IDUA: variants seen among roughly 807,000 people sequenced by gnomAD.
IDUA encodes alpha-L-iduronidase.
Under a neutral mutation model 68.9 loss-of-function variants are expected in IDUA, and 65 were observed. The ratio of observed to expected loss-of-function variants is 0.94; its 90% CI spans 0.77 to 1.16. The LOEUF is 1.16. IDUA is among the 50% of genes most tolerant of loss of function. The pLI is 0.00. For missense variants in IDUA, 1,046 were observed against 938.0 expected, an observed-to-expected ratio of 1.12 and a Z score of -1.50; for synonymous variants, 529 against 433.6, an observed-to-expected ratio of 1.22 and a Z score of -2.73.
At chr4:989,302 A>G in intron 2 of IDUA, 1 of 1,612,342 alleles carries the variant, frequency 6.2e-7, no homozygotes, top group Non-Finnish European at 8.5e-7. Flanking sequence ...GGCATAGTAC[A>G]GCGGCCCCCC....
Position 1,002,936 on chromosome 4 carries a change from C to T in IDUA, c.1394C>T (p.Pro465Leu). The T allele has an allele frequency of 7.3e-7, 1 of 1,361,802 alleles. No homozygotes were observed. The highest frequency in any genetic ancestry group is 9.4e-7 in the Non-Finnish European group (1 of 1,065,540). 84.4% of individuals were successfully genotyped at this position (1,361,802 alleles called of 1,614,324 possible). A position where few individuals can be genotyped will look rare whatever the true frequency, so the allele number is the denominator to read the frequency against. ...AVTLRLRGVPPGPGLVYVTRY... is the reference protein window; with the variant it reads ...AVTLRLRGVPLGPGLVYVTRY... ...ACCCTGCGGCTGCGCGGGGTGCCCC[C>T]CGGCCCGGGTAAGCCGGGGTTCCAG... Residue 465 changes from proline to leucine, a missense_variant, in exon 9 of 14, where the codon CCC becomes CTC. Physicochemically the swap from Pro to Leu is moderately conservative, Grantham distance 98. Coordinates refer to ENST00000514224, the MANE Select transcript of IDUA (RefSeq NM_000203.5).
At chr4:988,877 G>A (rs774975166) in intron 2 of IDUA, 4 of 1,598,492 alleles carry the variant, frequency 2.5e-6, no homozygotes, top group African/African-American at 2.7e-5. Context: ...TGGCGGGCTC[G>A]TGCTGTCTGC....
At position 1,000,891 on chromosome 4, in the gene IDUA, T is replaced by C; in HGVS notation, c.395T>C (p.Leu132Pro). 6.2e-7 allele frequency: 1 copy of C among 1,613,176 alleles called. No individual in the cohort carries two copies. The highest frequency in any genetic ancestry group is 1.1e-5 in the South Asian group (1 of 91,082). The change falls in exon 4 of 14, where the codon CTG becomes CCG. Residue 132 changes from leucine (L) to proline (P), a missense_variant. Leu to Pro is a moderately conservative substitution (Grantham distance 98, BLOSUM62 -3). Transcript: ENST00000514224. Reference sequence around the variant, plus strand: ...CCCTCCTGTGTTCCAGGGTTTGAGCTGATGGGCAGCGCCTCGGGCCACTTC... The same window carrying C: ...CCCTCCTGTGTTCCAGGGTTTGAGCCGATGGGCAGCGCCTCGGGCCACTTC... ...RENQLLPGFE[L>P]MGSASGHFTD...
rs148946496 is a variant in IDUA at position 1,000,658 on chromosome 4, G to A, written c.346G>A (p.Gly116Arg). 5.4e-4 allele frequency: 868 copies of A among 1,612,706 alleles called. 3 individuals carry two copies. The African/African-American group carries it at 9.4e-3, about 17-fold the overall frequency. The stretch of plus-strand genomic sequence containing the variant: ...GAGCTACAACTTCACCCACCTGGAC[G>A]GGTACCTGGACCTTCTCAGGGAGAA... ...GLSYNFTHLD[G>R]YLDLLRENQL... The change falls in exon 3 of 14, where the codon GGG (glycine) becomes AGG (arginine). Residue 116 changes from glycine to arginine, a missense_variant. Physicochemically the swap from Gly to Arg is moderately radical, Grantham distance 125 (BLOSUM62 -2). Transcript: ENST00000514224.
In IDUA at chr4:1,000,708, G is replaced by T; in HGVS notation, c.385+11G>T. 1 of 1,599,444 alleles carries T rather than the reference G, an allele frequency of 6.3e-7. No homozygotes were observed. ...ACCAGCTCCTCCCAGGTGAGCTGTG[G>T]GCTCTGCCCTCCCAGCCCGCCTGCA... is the stretch of plus-strand genomic sequence containing the variant. On this transcript the variant is annotated intron_variant, in intron 3 of 13. Transcript: ENST00000514224.
At chr4:998,783 A>ACCCCCCCCCCCCC (rs148444493) in intron 2 of IDUA, among the ~76,000 whole-genome samples, 2 of 120,784 alleles carry the variant, frequency 1.7e-5, no homozygotes, top group South Asian at 2.9e-4. Flanking sequence ...CGACCCCCCG[A>ACCCCCCCCCCCCC]CCCCCCACCT....
chr4:995,323 G>A lies in IDUA; in HGVS notation c.300-5289G>A, dbSNP rs181170544. On this transcript the variant is annotated intron_variant, in intron 2 of 13. Transcript: ENST00000514224. ...CTCCCAAAGTGCTGGGATTACAGGC[G>A]TGAGCCACCGTGCCCGGCCAGTTCT... is the stretch of plus-strand genomic sequence containing the variant. Among the ~76,000 whole-genome samples the A allele has an allele frequency of 8.6e-5, 13 of 151,826 alleles. No individual in the cohort carries two copies. The East Asian group carries it at 1.4e-3, about 16-fold the overall frequency.
intron 8 of IDUA, 24 bp downstream of exon 8, chr4:1,002,509 G>A (rs2153022464): frequency 2.0e-6 from 3 of 1,480,594 alleles, no homozygotes; most frequent in South Asian, 1.4e-5. Flanking sequence ...GCTGGGGTGG[G>A]CCGGCCAGGG....
chr4:988,730 C>T (rs1713949285), intron 2 of IDUA: 2 of 1,431,718 alleles, frequency 1.4e-6, no homozygotes, highest in East Asian at 2.5e-5. Flanking sequence ...AAGAGTGCAG[C>T]TCTTGGGTGG....
rs895626490 is a variant in IDUA, at chr4:1,002,891, C to A, written c.1349C>A (p.Pro450His). 1.3e-4 allele frequency: 188 copies of A among 1,424,156 alleles called. No homozygotes were observed. Among genetic ancestry groups the A allele is most frequent in the Non-Finnish European group, 1.7e-4 (183 of 1,095,168 alleles). The allele number at this position is 1,424,156 out of a possible 1,614,324, so 88.2% of individuals were successfully genotyped here. ...IYASDDTRAH[P>H]NRSVAVTLRL... ...GCGAGCGACGACACCCGCGCCCACC[C>A]CAACCGCAGCGTCGCGGTGACCCTG... Residue 450 changes from proline (P) to histidine (H), a missense_variant, in exon 9 of 14, where the codon CCC becomes CAC. Coordinates refer to ENST00000514224, the MANE Select transcript of IDUA (RefSeq NM_000203.5).
chr4:1,003,010 C>G lies in IDUA; in HGVS notation c.1403-26C>G, dbSNP rs1371245453. 4.8e-6 allele frequency: 7 copies of G among 1,450,370 alleles called. No homozygotes were observed. In the Admixed American group the frequency reaches 1.0e-4, roughly 21 times the overall value. 89.8% of individuals were successfully genotyped at this position (1,450,370 alleles called of 1,614,324 possible). A position where few individuals can be genotyped will look rare whatever the true frequency, so the allele number is the denominator to read the frequency against. ...CTCTGGAGGGGGCGGCCCGGGGAGC[C>G]GAGGCCTGAGTGTCAGGCCCCGCAG... On this transcript the variant is annotated intron_variant, in intron 9 of 13. Coordinates refer to ENST00000514224, the MANE Select transcript of IDUA (RefSeq NM_000203.5).
At chr4:1,003,965 T>G (rs1448878725) in intron 12 of IDUA, 47 bp from the exon 13 acceptor site, 1 of 1,490,170 alleles carries the variant, frequency 6.7e-7, no homozygotes. Flanking sequence ...CTCCCACCTT[T>G]GAGGACTGTC....
chr4:1,002,555 C>A (rs895901283), intron 8 of IDUA, 70 bp downstream of exon 8: 8 of 1,349,762 alleles, frequency 5.9e-6, no homozygotes, highest in African/African-American at 4.6e-5. Context: ...GCGAAGGCCC[C>A]GCTGCGGGGA....
intron 2 of IDUA, among the ~76,000 whole-genome samples, chr4:997,248 G>C (rs1451784387): frequency 6.6e-6 from 1 of 151,724 alleles, no homozygotes; most frequent in South Asian, 2.1e-4. Flanking sequence ...CCTTCGTCCC[G>C]GCCACAGATG....
intron 2 of IDUA, chr4:988,956 GCCT>G: frequency 6.3e-7 from 1 of 1,595,972 alleles, no homozygotes; most frequent in South Asian, 1.1e-5. Flanking sequence ...CCCCGAGGAA[GCCT>G]CCTCTGCTCA....
chr4:1,001,769 C>A lies in IDUA; in HGVS notation c.680C>A (p.Thr227Asn), dbSNP rs1715093047. ...GGAGGCCCCGGCGACTCCTTCCACA[C>A]CCCACCGCGATCCCCGCTGAGCTGG... ...RLGGPGDSFH[T>N]PPRSPLSWGL... is the part of the protein sequence containing the mutation. The change falls in exon 6 of 14, where the codon ACC (threonine) becomes AAC (asparagine). Residue 227 changes from threonine (T) to asparagine (N), a missense_variant. By Grantham distance (65) the Thr-to-Asn change is moderately conservative. Coordinates refer to ENST00000514224, the MANE Select transcript of IDUA (RefSeq NM_000203.5). The A allele has an allele frequency of 6.2e-7, 1 of 1,601,098 alleles. No individual in the cohort carries two copies. Among genetic ancestry groups the A allele is most frequent in the South Asian group, 1.1e-5 (1 of 90,422 alleles).
rs1714168209 is a variant in IDUA, at chr4:990,218, C to T, written c.299+2269C>T. Reference sequence around the variant, plus strand: ...CATGTGAGGACCACCATGCCGGGCCCCTGGTGCCGCGGGATCCGCACGCCC... The same window carrying T: ...CATGTGAGGACCACCATGCCGGGCCTCTGGTGCCGCGGGATCCGCACGCCC... On this transcript the variant is annotated intron_variant, in intron 2 of 13. Coordinates refer to ENST00000514224, the MANE Select transcript of IDUA (RefSeq NM_000203.5). 3.8e-6 allele frequency: 6 copies of T among 1,566,390 alleles called. No homozygotes were observed. The highest frequency in any genetic ancestry group is 1.9e-5 in the Admixed American group (1 of 51,954).
In IDUA at chr4:989,146, G is replaced by T. The variant is rs745684120; in HGVS notation, c.299+1197G>T. ...CGCTGCGGGCACCAGCGCAGCCCTGGTGCTAACCGGGCCCAGGTCCTCGCC... is the reference window on the plus strand; with the variant it reads ...CGCTGCGGGCACCAGCGCAGCCCTGTTGCTAACCGGGCCCAGGTCCTCGCC... On this transcript the variant is annotated intron_variant, in intron 2 of 13. Coordinates refer to ENST00000514224, the MANE Select transcript of IDUA (RefSeq NM_000203.5). 17 of 1,607,828 alleles carry T rather than the reference G, an allele frequency of 1.1e-5. 1 individual carries two copies. The South Asian group carries it at 1.8e-4, about 17-fold the overall frequency.
chr4:1,000,313 T>C (rs1466715178), intron 2 of IDUA, among the ~76,000 whole-genome samples: 1 of 152,218 alleles, frequency 6.6e-6, no homozygotes, highest in Non-Finnish European at 1.5e-5. Context: ...CCCTGGCCCC[T>C]GCTGCTCGCG....
Sources: gnomAD v4.1 joint callset for allele counts (sites outside exome capture counted in the v4.1 genomes callset) on GRCh38, gnomAD v4.1.1 for gene constraint, MANE v1.5 for transcripts, NCBI Gene and HGNC (gene_info 2026-07-23, HGNC 2026-07-21) for gene names.